The following NLGN4X variants were observed in gnomAD, a reference collection of about 807,000 sequenced individuals.
NLGN4X encodes neuroligin-4, X-linked.
Under a neutral mutation model 40.3 loss-of-function variants are expected in NLGN4X, and 3 were observed. The observed-to-expected ratio is 0.07, with a 90% confidence interval of 0.03 to 0.19. The LOEUF (loss-of-function observed/expected upper bound fraction) is 0.19, where lower values mean the gene tolerates loss of function less well. Ranked by LOEUF, NLGN4X falls within the 10% of genes least tolerant of loss-of-function variation. The pLI is 1.00. For synonymous variants in NLGN4X, 270 were observed against 306.8 expected, an observed-to-expected ratio of 0.88 and a Z score of 1.25; for missense variants, 382 against 708.3, an observed-to-expected ratio of 0.54 and a Z score of 5.23.
At chrX:6,069,337 T>C (rs766825805) in intron 2 of NLGN4X, among the ~76,000 whole-genome samples, 43 of 111,093 alleles carry the variant, frequency 3.9e-4, no homozygotes, top group Non-Finnish European at 1.5e-4. Flanking sequence ...CAGAAACTAA[T>C]TTAAGAAAAG....
chrX:5,921,133 TTATATATATATATACA>T (rs1414793694), intron 3 of NLGN4X, among the ~76,000 whole-genome samples: 38 of 65,015 alleles, frequency 5.8e-4, no homozygotes, highest in African/African-American at 2.6e-3. Context: ...TAAGTATTTT[TTATATATATATATACA>T]TATATATATA....
chrX:6,079,221 C>A (rs1921947), intron 2 of NLGN4X, among the ~76,000 whole-genome samples: 8 of 111,514 alleles, frequency 7.2e-5, no homozygotes, highest in African/African-American at 2.0e-4. Context: ...CGGAAGGTGG[C>A]AAGTTGTTAA....
chrX:6,091,054 G>GAGGA (rs1383783891), intron 2 of NLGN4X, among the ~76,000 whole-genome samples: 2 of 101,285 alleles, frequency 2.0e-5, no homozygotes, highest in Non-Finnish European at 4.0e-5. Context: ...GGAAGGAAGG[G>GAGGA]AGGGAGGGAG....
At chrX:6,071,952 G>A (rs938975063) in intron 2 of NLGN4X, among the ~76,000 whole-genome samples, 1 of 110,879 alleles carries the variant, frequency 9.0e-6, no homozygotes. Context: ...TGCCCAGCCT[G>A]TCAGAGTGTG....
chrX:6,219,414 CCT>C (rs1475632103), intron 1 of NLGN4X, among the ~76,000 whole-genome samples: 2 of 63,166 alleles, frequency 3.2e-5, no homozygotes, highest in African/African-American at 1.3e-4. Flanking sequence ...TCATTCCCTC[CCT>C]CTCTCCTTCC....
chrX:5,941,906 A>C (rs1023231107), intron 3 of NLGN4X, among the ~76,000 whole-genome samples: 6 of 112,145 alleles, frequency 5.4e-5, no homozygotes, highest in African/African-American at 1.9e-4. Flanking sequence ...GGAAGCTCTT[A>C]ATGCACAAGG....
chrX:5,942,089 C>G (rs1053162402), intron 3 of NLGN4X, among the ~76,000 whole-genome samples: 2 of 109,374 alleles, frequency 1.8e-5, no homozygotes, highest in African/African-American at 6.7e-5. Context: ...CATCCTGCGT[C>G]AACAAAAAAT....
At chrX:6,158,484 GTCAT>G (rs1475697427) in intron 1 of NLGN4X, among the ~76,000 whole-genome samples, 3 of 111,863 alleles carry the variant, frequency 2.7e-5, no homozygotes, top group Non-Finnish European at 5.6e-5. Flanking sequence ...GAGGCTCAAT[GTCAT>G]TCATTATTGG....
intron 3 of NLGN4X, among the ~76,000 whole-genome samples, chrX:5,951,502 T>A (rs1317675786): frequency 9.0e-6 from 1 of 110,605 alleles, no homozygotes; most frequent in Non-Finnish European, 1.9e-5. Flanking sequence ...TTTGTGGACA[T>A]CTCCATTCCT....
At chrX:6,127,771 GA>G (rs1190333133) in intron 2 of NLGN4X, among the ~76,000 whole-genome samples, 3 of 112,074 alleles carry the variant, frequency 2.7e-5, no homozygotes, top group Non-Finnish European at 3.8e-5. Context: ...ATACTTATAG[GA>G]AAATGTTTTT....
intron 3 of NLGN4X, among the ~76,000 whole-genome samples, chrX:5,982,008 A>G (rs1363615780): frequency 1.8e-5 from 2 of 111,794 alleles, no homozygotes; most frequent in East Asian, 5.6e-4. Context: ...ATTTGAAACA[A>G]AACAGTGGCT....
intron 2 of NLGN4X, among the ~76,000 whole-genome samples, chrX:6,070,476 G>T (rs2038031450): frequency 9.0e-6 from 1 of 111,662 alleles, no homozygotes; most frequent in Non-Finnish European, 1.9e-5. Context: ...AGGTGCAGTG[G>T]ATCATGCCTG....
intron 3 of NLGN4X, among the ~76,000 whole-genome samples, chrX:6,007,107 T>A (rs1051723947): frequency 1.8e-5 from 2 of 111,921 alleles, no homozygotes; most frequent in African/African-American, 6.5e-5. Flanking sequence ...GGTTTATATA[T>A]CCATGGAATA....
intron 3 of NLGN4X, among the ~76,000 whole-genome samples, chrX:5,923,646 T>A (rs5916273): frequency 0.11 from 12,722 of 111,235 alleles, 582 homozygotes; most frequent in African/African-American, 0.13. Context: ...TCATGAGACT[T>A]ATTCACTATC....
chrX:6,176,284 T>C (rs1770802962), intron 1 of NLGN4X, among the ~76,000 whole-genome samples: 1 of 112,574 alleles, frequency 8.9e-6, no homozygotes, highest in Admixed American at 9.4e-5. Flanking sequence ...TGTACACTCC[T>C]AATTTTAACT....
At chrX:6,056,975 T>C (rs982754353) in intron 2 of NLGN4X, among the ~76,000 whole-genome samples, 2 of 111,945 alleles carry the variant, frequency 1.8e-5, no homozygotes, top group African/African-American at 3.3e-5. Flanking sequence ...GGAAGTGACT[T>C]TGGCGATGCT....
chrX:6,088,575 GGATT>G (rs2038557156), intron 2 of NLGN4X, among the ~76,000 whole-genome samples: 1 of 111,758 alleles, frequency 8.9e-6, no homozygotes, highest in Admixed American at 9.5e-5. Flanking sequence ...TTTAAGAACA[GGATT>G]ATTATACATT....
intron 2 of NLGN4X, among the ~76,000 whole-genome samples, chrX:6,140,887 T>A (rs1384955970): frequency 1.8e-5 from 2 of 110,814 alleles, no homozygotes; most frequent in African/African-American, 6.6e-5. Flanking sequence ...TTTGTGGAAA[T>A]CTGGACCTGC....
chrX:5,915,861 G>A (rs777384358), intron 3 of NLGN4X, among the ~76,000 whole-genome samples: 1 of 112,240 alleles, frequency 8.9e-6, no homozygotes, highest in Non-Finnish European at 1.9e-5. Context: ...ATTTTCAACT[G>A]AACACTTTCT....
Sources: gnomAD v4.1 joint callset for allele counts (sites outside exome capture counted in the v4.1 genomes callset) on GRCh38, gnomAD v4.1.1 for gene constraint, MANE v1.5 for transcripts, NCBI Gene and HGNC (gene_info 2026-07-23, HGNC 2026-07-21) for gene names.